Variants in NRXN1 observed in about 807,000 individuals in gnomAD.
NRXN1 encodes neurexin-1.
A neutral mutation model predicts 150.9 loss-of-function variants in NRXN1; 39 were observed. The observed-to-expected ratio is 0.26, with a 90% CI of 0.20 to 0.34. The LOEUF (loss-of-function observed/expected upper bound fraction) is 0.34, where lower values mean the gene tolerates loss of function less well. Among genes scored for constraint, NRXN1 ranks in the 10% least tolerant of loss-of-function variants. The pLI is 1.00. For missense variants in NRXN1, 1,815 were observed against 1,949.9 expected (o/e 0.93, Z 1.30); for synonymous variants, 924 against 757.0 (o/e 1.22, Z -3.62).
At chr2:50,151,664 G>T (rs963651503) in intron 18 of NRXN1, among the ~76,000 whole-genome samples, 3 of 151,810 alleles carry the variant, frequency 2.0e-5, no homozygotes, top group African/African-American at 4.8e-5. Context: ...GTGGCTGCCT[G>T]GGACTGGGTG....
At chr2:50,933,066 G>T (rs545496623) in intron 2 of NRXN1, among the ~76,000 whole-genome samples, 1 of 151,788 alleles carries the variant, frequency 6.6e-6, no homozygotes, top group Non-Finnish European at 1.5e-5. Context: ...AAAAAAACAC[G>T]CATTTAGAAA....
intron 5 of NRXN1, among the ~76,000 whole-genome samples, chr2:50,894,742 G>T (rs2103874147): frequency 6.6e-6 from 1 of 152,132 alleles, no homozygotes; most frequent in South Asian, 2.1e-4. Flanking sequence ...AAAAGTATAT[G>T]TTATATTACT....
chr2:50,140,718 G>A (rs1707153558), intron 18 of NRXN1, among the ~76,000 whole-genome samples: 3 of 150,774 alleles, frequency 2.0e-5, no homozygotes, highest in Admixed American at 6.6e-5. Context: ...GAAACATTCT[G>A]ATTTTCAAAT....
At chr2:50,616,917 A>T (rs756780375) in intron 8 of NRXN1, among the ~76,000 whole-genome samples, 5 of 152,216 alleles carry the variant, frequency 3.3e-5, no homozygotes, top group Non-Finnish European at 5.9e-5. Context: ...GCTAGAGTTC[A>T]GGAAAATTTA....
chr2:50,295,741 T>C (rs561710339), intron 17 of NRXN1, among the ~76,000 whole-genome samples: 1 of 152,202 alleles, frequency 6.6e-6, no homozygotes, highest in Non-Finnish European at 1.5e-5. Context: ...TCAATGAGGA[T>C]GAAGAATTGC....
chr2:50,941,436 T>G (rs543994496), intron 2 of NRXN1, among the ~76,000 whole-genome samples: 83 of 152,290 alleles, frequency 5.5e-4, no homozygotes, highest in Admixed American at 2.6e-3. Context: ...TCCTAGAGTC[T>G]TGTTGAATGG....
At chr2:50,518,396 A>T (rs530319164) in intron 12 of NRXN1, among the ~76,000 whole-genome samples, 1 of 152,010 alleles carries the variant, frequency 6.6e-6, no homozygotes, top group Non-Finnish European at 1.5e-5. Context: ...AAAATTGAGT[A>T]CTAAATAGTT....
At position 50,721,716 on chromosome 2, in the gene NRXN1, G is replaced by GT. The variant is rs911521002; in HGVS notation, c.833-98102dup. Among the ~76,000 whole-genome samples the GT allele has an allele frequency of 9.9e-5, 15 of 151,726 alleles. No homozygotes were observed. In the South Asian group the frequency reaches 1.0e-3, roughly 10 times the overall value. On this transcript the variant is annotated intron_variant, in intron 5 of 22. Transcript: ENST00000401669. ...TGCTATTTACTGGACCTTGTGGTAT[G>GT]TTTTTTTTCATACATTATTTTATTT...
intron 5 of NRXN1, among the ~76,000 whole-genome samples, chr2:50,782,902 T>C (rs1010631031): frequency 2.6e-5 from 4 of 152,172 alleles, no homozygotes; most frequent in African/African-American, 9.6e-5. Context: ...GGCAAAGCTG[T>C]TGAACAAAGT....
Position 50,934,801 on chromosome 2 carries a change from C to T in NRXN1, c.773-8846G>A, listed in dbSNP as rs550386755. On this transcript the variant is annotated intron_variant, in intron 2 of 22. Coordinates refer to ENST00000401669, the MANE Select transcript of NRXN1 (RefSeq NM_001330078.2). The stretch of plus-strand genomic sequence containing the variant: ...CAATATGGAGAACTTTGTAATATTT[C>T]CACTTAACCTTAAAATAATAACAAT... 1.4e-4 allele frequency among the ~76,000 whole-genome samples: 21 copies of T among 152,180 alleles called. 1 individual carries two copies. In the South Asian group the frequency reaches 4.4e-3, roughly 32 times the overall value.
At chr2:50,803,795 C>T (rs552324586) in intron 5 of NRXN1, among the ~76,000 whole-genome samples, 2 of 152,196 alleles carry the variant, frequency 1.3e-5, no homozygotes, top group South Asian at 4.2e-4. Context: ...TCAGCAATTT[C>T]TTTTCTATGC....
chr2:50,995,174 C>A (rs1699077207), intron 2 of NRXN1, among the ~76,000 whole-genome samples: 1 of 151,888 alleles, frequency 6.6e-6, no homozygotes, highest in Admixed American at 6.6e-5. Flanking sequence ...ACATAATGAA[C>A]TGCCAAGCTG....
chr2:51,021,542 A>G (rs893145091), intron 2 of NRXN1, among the ~76,000 whole-genome samples: 3 of 140,018 alleles, frequency 2.1e-5, no homozygotes, highest in Non-Finnish European at 4.9e-5. Flanking sequence ...CATATCAGTG[A>G]CATGTATACA....
intron 17 of NRXN1, among the ~76,000 whole-genome samples, chr2:50,348,219 A>G (rs1235675941): frequency 6.6e-6 from 1 of 152,212 alleles, no homozygotes; most frequent in Non-Finnish European, 1.5e-5. Flanking sequence ...TGTTACTCAT[A>G]ACAAGGATTC....
chr2:50,667,556 G>C (rs1688246598), intron 5 of NRXN1, among the ~76,000 whole-genome samples: 1 of 151,872 alleles, frequency 6.6e-6, no homozygotes, highest in Non-Finnish European at 1.5e-5. Flanking sequence ...AATATAAATG[G>C]GATGAGCAAA....
At chr2:50,899,094 T>C (rs1010407678) in intron 5 of NRXN1, among the ~76,000 whole-genome samples, 2 of 152,138 alleles carry the variant, frequency 1.3e-5, no homozygotes, top group Non-Finnish European at 2.9e-5. Flanking sequence ...GAGACATAAA[T>C]AATTAAAATT....
intron 5 of NRXN1, among the ~76,000 whole-genome samples, chr2:50,828,330 C>T (rs1038698679): frequency 2.7e-5 from 4 of 150,854 alleles, no homozygotes; most frequent in East Asian, 2.0e-4. Context: ...GCTGAACCCC[C>T]CGCCTCCCTC....
At chr2:50,444,970 C>A (rs554708204) in intron 17 of NRXN1, among the ~76,000 whole-genome samples, 1 of 151,996 alleles carries the variant, frequency 6.6e-6, no homozygotes, top group Non-Finnish European at 1.5e-5. Context: ...CAGGCAAGTG[C>A]CTGACCCTCA....
chr2:50,970,787 GT>G (rs1395071094), intron 2 of NRXN1, among the ~76,000 whole-genome samples: 1 of 151,398 alleles, frequency 6.6e-6, no homozygotes, highest in Non-Finnish European at 1.5e-5. Context: ...AATCTTTGCG[GT>G]TTTTGCTACT....
Sources: allele counts gnomAD v4.1 joint callset (sites outside exome capture counted in the v4.1 genomes callset), GRCh38; gene constraint gnomAD v4.1.1; transcripts MANE v1.5; gene names NCBI Gene and HGNC (gene_info 2026-07-23, HGNC 2026-07-21).